Variants in WARS1 observed in about 807,000 individuals in gnomAD.
The protein encoded by WARS1 is tryptophanyl-tRNA synthetase 1.
A neutral mutation model predicts 47.8 loss-of-function variants in WARS1; 17 were observed. The observed-to-expected ratio is 0.36, with a 90% confidence interval of 0.24 to 0.53. WARS1 has a LOEUF of 0.53. Among genes scored for constraint, WARS1 ranks in the 20% least tolerant of loss-of-function variants. WARS1 has a pLI of 0.91. For missense variants in WARS1, 434 were observed against 608.0 expected, an observed-to-expected ratio of 0.71 and a Z score of 3.01; for synonymous variants, 208 against 228.1, an observed-to-expected ratio of 0.91 and a Z score of 0.79.
intron 7 of WARS1, among the ~76,000 whole-genome samples, chr14:100,345,109 C>T (rs1392971150): frequency 1.5e-4 from 22 of 149,712 alleles, no homozygotes; most frequent in African/African-American, 5.1e-4. Flanking sequence ...CGCCTCTGCC[C>T]GGCCGCCCCT....
chr14:100,359,472 G>C (rs1406603564), intron 4 of WARS1, among the ~76,000 whole-genome samples: 2 of 152,230 alleles, frequency 1.3e-5, no homozygotes, highest in Non-Finnish European at 2.9e-5. Flanking sequence ...TCTAGATATA[G>C]AGAAAGCAGA....
intron 2 of WARS1, chr14:100,366,025 G>A (rs1465133999): frequency 2.2e-5 from 10 of 455,906 alleles, no homozygotes; most frequent in Non-Finnish European, 3.5e-5. Flanking sequence ...AGCAGTTATT[G>A]AGAATCCCTC....
intron 7 of WARS1, among the ~76,000 whole-genome samples, chr14:100,345,476 G>A (rs1374876114): frequency 4.6e-5 from 7 of 151,862 alleles, no homozygotes; most frequent in African/African-American, 1.7e-4. Flanking sequence ...TGCTCGTTAA[G>A]AGTCATCACC....
chr14:100,339,128 C>CACACACACACACAT (rs1893960806), intron 9 of WARS1, among the ~76,000 whole-genome samples: 2 of 139,252 alleles, frequency 1.4e-5, no homozygotes, highest in Non-Finnish European at 3.2e-5. Context: ...CACACATACA[C>CACACACACACACAT]ACACACACAC....
intron 4 of WARS1, among the ~76,000 whole-genome samples, chr14:100,356,164 AT>A (rs1050873994): frequency 6.6e-6 from 1 of 152,148 alleles, no homozygotes; most frequent in Non-Finnish European, 1.5e-5. Flanking sequence ...TTAATCCCCA[AT>A]TTTACAGATG....
chr14:100,335,316 G>T (rs1210983287), intron 10 of WARS1, among the ~76,000 whole-genome samples: 2 of 152,144 alleles, frequency 1.3e-5, no homozygotes, highest in Non-Finnish European at 2.9e-5. Flanking sequence ...GATGCTAGGG[G>T]CCATTCCCCC....
rs756503817 is a variant in WARS1, at chr14:100,342,444, T to A, written c.1067A>T (p.Asn356Ile). The change falls in exon 9 of 11, where the codon AAC (asparagine) becomes ATC (isoleucine). Residue 356 changes from asparagine to isoleucine, a missense_variant. Transcript: ENST00000392882. ...AQTKMSASDPNSSIFLTDTAK... is the reference protein window; with the variant it reads ...AQTKMSASDPISSIFLTDTAK... ...CGTGTCGGTGAGGAAGATGGAGGAG[T>A]TGGGGTCGCTGGCACTCATTTTGGT... is the stretch of plus-strand genomic sequence containing the variant. The A allele has an allele frequency of 1.2e-6, 2 of 1,613,740 alleles. No homozygotes were observed. Among genetic ancestry groups the A allele is most frequent in the East Asian group, 4.5e-5 (2 of 44,838 alleles).
intron 2 of WARS1, among the ~76,000 whole-genome samples, chr14:100,364,081 CT>C (rs1246009905): frequency 7.2e-5 from 11 of 152,186 alleles, no homozygotes; most frequent in Admixed American, 5.2e-4. Flanking sequence ...GATTTGGGTG[CT>C]GGTTACACAG....
chr14:100,335,046 G>A lies in WARS1; in HGVS notation c.1255-10C>T. 1.9e-6 allele frequency: 3 copies of A among 1,611,082 alleles called. No individual in the cohort carries two copies. Among genetic ancestry groups the A allele is most frequent in the Non-Finnish European group, 2.5e-6 (3 of 1,177,850 alleles). ...CTCCGCTGGTGTAATCCTGCCCGGA[G>A]GGAGACAGCCACGTGAGAGATGGCT... On this transcript the variant is annotated splice_polypyrimidine_tract_variant and intron_variant, in intron 10 of 10. Transcript: ENST00000392882.
intron 2 of WARS1, chr14:100,367,004 T>C: frequency 9.3e-7 from 1 of 1,072,678 alleles, no homozygotes; most frequent in Non-Finnish European, 1.4e-6. Context: ...GTCTGGTTTG[T>C]CCCTTACAGA....
At chr14:100,353,014 AGACT>A (rs1275273513) in intron 6 of WARS1, 2 of 152,244 alleles carry the variant, frequency 1.3e-5, no homozygotes, top group African/African-American at 2.4e-5. Flanking sequence ...TAACTCTGGA[AGACT>A]GACTATCCTT....
intron 10 of WARS1, 91 bp from the exon 11 acceptor site, chr14:100,335,127 C>G (rs1291592067): frequency 7.6e-7 from 1 of 1,308,984 alleles, no homozygotes; most frequent in African/African-American, 1.5e-5. Context: ...CCCACACCAC[C>G]CATGCAGAGC....
chr14:100,355,754 A>G (rs1168462247), intron 4 of WARS1, among the ~76,000 whole-genome samples: 1 of 152,180 alleles, frequency 6.6e-6, no homozygotes, highest in Non-Finnish European at 1.5e-5. Context: ...CTGGACAGAT[A>G]CAATTGTGGG....
In WARS1 at chr14:100,337,147, A is replaced by G. The variant is rs755007002; in HGVS notation, c.1169T>C (p.Phe390Ser). The change falls in exon 10 of 11, where the codon TTT (phenylalanine) becomes TCT (serine). Residue 390 changes from phenylalanine (F) to serine (S), a missense_variant. Phe to Ser is a radical substitution (Grantham distance 155, BLOSUM62 -2). This residue lies in a region of WARS1 where 347 missense variants were observed against 523.8 expected (regional missense o/e 0.66). Transcript: ENST00000392882. ...CACGTCCACATCACAGTTGCCCCCAAACTGCCTGTGCTCCTCGATGGTGTC... is the reference window on the plus strand; with the variant it reads ...CACGTCCACATCACAGTTGCCCCCAGACTGCCTGTGCTCCTCGATGGTGTC... ...GRDTIEEHRQ[F>S]GGNCDVDVSF... is the part of the protein sequence containing the mutation. 2.5e-6 allele frequency: 4 copies of G among 1,614,150 alleles called. No homozygotes were observed. The highest frequency in any genetic ancestry group is 3.4e-6 in the Non-Finnish European group (4 of 1,180,016).
At chr14:100,340,051 T>C (rs1430108676) in intron 9 of WARS1, 2 of 152,218 alleles carry the variant, frequency 1.3e-5, no homozygotes, top group East Asian at 3.8e-4. Context: ...TCTGTAGTGA[T>C]GTCTCTATCT....
At chr14:100,371,801 T>C (rs190400889) in intron 1 of WARS1, among the ~76,000 whole-genome samples, 1 of 152,002 alleles carries the variant, frequency 6.6e-6, no homozygotes, top group African/African-American at 2.4e-5. Context: ...ACAACTGCAG[T>C]CCAAGTGCTT....
intron 10 of WARS1, among the ~76,000 whole-genome samples, chr14:100,336,050 T>A (rs1358168711): frequency 6.7e-6 from 1 of 150,248 alleles, no homozygotes; most frequent in Admixed American, 6.7e-5. Context: ...CCAAGGCGGG[T>A]GGATCACGAG....
chr14:100,343,474 C>T (rs866808730), intron 7 of WARS1, 87 bp from the exon 8 acceptor site: 31 of 929,638 alleles, frequency 3.3e-5, no homozygotes, highest in Middle Eastern at 4.6e-4. Flanking sequence ...CAGGTTTTCT[C>T]CCATTATAAA....
At chr14:100,345,751 T>C (rs1239370833) in intron 7 of WARS1, among the ~76,000 whole-genome samples, 1 of 152,256 alleles carries the variant, frequency 6.6e-6, no homozygotes, top group Non-Finnish European at 1.5e-5. Flanking sequence ...TTGTTGCTGT[T>C]ATTACTGTCA....
Sources: allele counts gnomAD v4.1 joint callset (sites outside exome capture counted in the v4.1 genomes callset), GRCh38; gene constraint gnomAD v4.1.1; regional missense constraint gnomAD v4.1.1; transcripts MANE v1.5; gene names NCBI Gene and HGNC (gene_info 2026-07-23, HGNC 2026-07-21).